The following NUP133 variants were observed in gnomAD, a reference collection of about 807,000 sequenced individuals.
The protein encoded by NUP133 is nuclear pore complex protein Nup133.
NUP133 carries 66 observed loss-of-function variants against 146.2 expected under a neutral mutation model. The ratio of observed to expected loss-of-function variants is 0.45; its 90% CI spans 0.37 to 0.55. NUP133 has a LOEUF of 0.55. NUP133 is among the 20% of genes least tolerant of loss of function. The pLI, the probability that NUP133 is intolerant of heterozygous loss-of-function variation, is 0.00. For missense variants in NUP133, 1,277 were observed against 1,374.8 expected (o/e 0.93, Z 1.12); for synonymous variants, 521 against 498.8 (o/e 1.04, Z -0.59).
intron 2 of NUP133, among the ~76,000 whole-genome samples, chr1:229,503,978 A>AAT (rs151275172): frequency 1.6e-4 from 24 of 151,528 alleles, no homozygotes; most frequent in South Asian, 4.2e-4. Context: ...CATATATACC[A>AAT]ATATATATAT....
At chr1:229,477,573 G>A (rs192729310) in intron 13 of NUP133, 24 bp downstream of exon 13, 36 of 1,575,970 alleles carry the variant, frequency 2.3e-5, no homozygotes, top group African/African-American at 1.5e-4. Flanking sequence ...AAAACACACC[G>A]TTCCATAATT....
In NUP133 at chr1:229,486,425, C is replaced by CA; in HGVS notation, c.1445dup (p.Leu482PhefsTer19). ...CTAAAGACCCTTCCAAGTCTTCTGCCAATATAGACACATTTTCCCTTGAAG... is the reference window on the plus strand; with the variant it reads ...CTAAAGACCCTTCCAAGTCTTCTGCCAAATATAGACACATTTTCCCTTGAAG... On this transcript the variant is annotated frameshift_variant, in exon 11 of 26. Transcript: ENST00000261396. LOFTEE classifies it high-confidence loss of function. 1 of 1,609,740 alleles carries CA rather than the reference C, an allele frequency of 6.2e-7. No homozygotes were observed. Among genetic ancestry groups the CA allele is most frequent in the Non-Finnish European group, 8.5e-7 (1 of 1,178,716 alleles).
At chr1:229,461,139 TGGCTCCCATTTGGACAGC>T (rs1188863728) in intron 19 of NUP133, among the ~76,000 whole-genome samples, 3 of 152,218 alleles carry the variant, frequency 2.0e-5, no homozygotes, top group Non-Finnish European at 4.4e-5. Context: ...ATGTGGCCAG[TGGCTCCCATTTGGACAGC>T]GCATTATCAA....
At chr1:229,452,426 G>T (rs1660471737) in intron 22 of NUP133, 99 bp downstream of exon 22, 2 of 826,824 alleles carry the variant, frequency 2.4e-6, no homozygotes, top group Non-Finnish European at 3.6e-6. Flanking sequence ...GTAGGCAGTA[G>T]AACAATAACT....
intron 25 of NUP133, among the ~76,000 whole-genome samples, chr1:229,442,879 G>T (rs1041832216): frequency 9.2e-5 from 14 of 151,946 alleles, no homozygotes; most frequent in African/African-American, 3.1e-4. Context: ...CTAATTTTTT[G>T]TATTTTTAGT....
intron 18 of NUP133, among the ~76,000 whole-genome samples, chr1:229,463,917 G>A (rs756534887): frequency 4.7e-4 from 71 of 152,046 alleles, no homozygotes; most frequent in Non-Finnish European, 8.5e-4. Flanking sequence ...AGGCTGAGGC[G>A]GGTGGATCAC....
At chr1:229,456,425 G>T (rs1427906966) in intron 21 of NUP133, among the ~76,000 whole-genome samples, 1 of 152,132 alleles carries the variant, frequency 6.6e-6, no homozygotes, top group Non-Finnish European at 1.5e-5. Flanking sequence ...GTAGACTCAT[G>T]AATTTTTTTG....
At chr1:229,501,464 G>T (rs1661796079) in intron 3 of NUP133, among the ~76,000 whole-genome samples, 1 of 152,204 alleles carries the variant, frequency 6.6e-6, no homozygotes, top group Non-Finnish European at 1.5e-5. Flanking sequence ...AGGAAGTAAT[G>T]ACTGGTAGAA....
Position 229,499,744 on chromosome 1 carries a change from G to A in NUP133, c.588C>T (p.Tyr196=), listed in dbSNP as rs200129319. 5.1e-5 allele frequency: 82 copies of A among 1,614,110 alleles called. No homozygotes were observed. In the East Asian group the frequency reaches 1.5e-3, roughly 30 times the overall value. Residue 196 remains tyrosine (Y), a synonymous_variant, in exon 5 of 26, where the codon TAC becomes TAT. Transcript: ENST00000261396. ...CTCCCGAATCTACAAAAGCCTCTGT[G>A]TAGGTATCTTCACCAGCAAGGCTTG... ...YWPSLAGEDT[Y]TEAFVDSGGD...
intron 12 of NUP133, among the ~76,000 whole-genome samples, chr1:229,479,071 C>CAGAG (rs150349081): frequency 1.3e-5 from 2 of 150,432 alleles, no homozygotes; most frequent in Non-Finnish European, 3.0e-5. Flanking sequence ...ATGACAGAGA[C>CAGAG]AGAGAGAGAG....
intron 15 of NUP133, among the ~76,000 whole-genome samples, chr1:229,467,751 C>G (rs1162151509): frequency 6.6e-6 from 1 of 151,720 alleles, no homozygotes; most frequent in Non-Finnish European, 1.5e-5. Context: ...ATGGTGAAAC[C>G]CTGTCTCCAC....
At chr1:229,501,282 T>A (rs1204164885) in intron 3 of NUP133, among the ~76,000 whole-genome samples, 1 of 152,196 alleles carries the variant, frequency 6.6e-6, no homozygotes, top group African/African-American at 2.4e-5. Flanking sequence ...TTTCTTAGAC[T>A]CTCAGCCAAA....
At chr1:229,501,584 T>C (rs1661798452) in intron 3 of NUP133, among the ~76,000 whole-genome samples, 4 of 152,202 alleles carry the variant, frequency 2.6e-5, no homozygotes, top group Admixed American at 2.6e-4. Flanking sequence ...AAAGTTTAAC[T>C]AGCAACTGGT....
chr1:229,480,319 C>T lies in NUP133; in HGVS notation c.1593-2559G>A, dbSNP rs149498257. Among the ~76,000 whole-genome samples the T allele has an allele frequency of 1.7e-3, 259 of 152,192 alleles. 2 individuals are homozygous for T. The highest frequency in any genetic ancestry group is 2.8e-3 in the Admixed American group (43 of 15,280). On this transcript the variant is annotated intron_variant, in intron 12 of 25. Transcript: ENST00000261396. ...CAGGAGACACAGCTGACTGGAGAAA[C>T]GCAGAAAAACTCTTGAAAGCGTGAA...
chr1:229,473,970 C>T (rs73095910), intron 14 of NUP133, among the ~76,000 whole-genome samples: 7,050 of 152,192 alleles, frequency 0.046, 441 homozygotes, highest in African/African-American at 0.12. Context: ...ATTTTTCATC[C>T]CAGCTGTCCT....
At chr1:229,479,023 G>A (rs1231340015) in intron 12 of NUP133, among the ~76,000 whole-genome samples, 1 of 152,166 alleles carries the variant, frequency 6.6e-6, no homozygotes, top group Non-Finnish European at 1.5e-5. Context: ...ACTTCCCACA[G>A]TCACAGTTAC....
Position 229,449,116 on chromosome 1 carries a change from G to A in NUP133, c.3245+10C>T, listed in dbSNP as rs770773541. 1.2e-5 allele frequency: 20 copies of A among 1,604,230 alleles called. No homozygotes were observed. The highest frequency in any genetic ancestry group is 1.2e-4 in the South Asian group (11 of 90,904). On this transcript the variant is annotated intron_variant, in intron 24 of 25. Transcript: ENST00000261396. The stretch of plus-strand genomic sequence containing the variant: ...ATACTTTCCAAAGAAGCAATGCCAC[G>A]AGCACTTACTTATCTCTCTGAAGAG...
chr1:229,449,376 T>C (rs999072859), intron 23 of NUP133, among the ~76,000 whole-genome samples, 186 bp from the exon 24 acceptor site: 1 of 151,652 alleles, frequency 6.6e-6, no homozygotes, highest in Admixed American at 6.6e-5. Context: ...TTTTCTTTTT[T>C]TTTTTTTTTG....
At chr1:229,491,022 T>C (rs1182784260) in intron 8 of NUP133, among the ~76,000 whole-genome samples, 1 of 151,476 alleles carries the variant, frequency 6.6e-6, no homozygotes, top group African/African-American at 2.4e-5. Context: ...TCTATATAAA[T>C]TATAGCTCAA....
Sources: allele counts gnomAD v4.1 joint callset (sites outside exome capture counted in the v4.1 genomes callset), GRCh38; gene constraint gnomAD v4.1.1; transcripts MANE v1.5; gene names NCBI Gene and HGNC (gene_info 2026-07-23, HGNC 2026-07-21).